The following NPC1 variants were observed in gnomAD, a reference collection of about 807,000 sequenced individuals.
NPC1 encodes the protein NPC intracellular cholesterol transporter 1, also known as Niemann-Pick C1 protein.
In NPC1, 85 loss-of-function variants were observed where a neutral mutation model predicts 140.4. The observed-to-expected ratio is 0.61, with a 90% confidence interval of 0.51 to 0.72. NPC1 has a LOEUF of 0.72. Among genes scored for constraint, NPC1 ranks in the 30% least tolerant of loss-of-function variants. The pLI is 0.00. For synonymous variants in NPC1, 656 were observed against 624.8 expected (o/e 1.05, Z -0.74); for missense variants, 1,504 against 1,623.8 (o/e 0.93, Z 1.27).
chr18:23,515,883 C>T (rs1202666581), intron 3 of NPC1: 4 of 1,614,146 alleles, frequency 2.5e-6, no homozygotes, highest in Non-Finnish European at 3.4e-6. Context: ...GAGTCTGAAA[C>T]TCTTGAAGAG....
At chr18:23,569,545 C>G (rs1425126811) in intron 3 of NPC1, among the ~76,000 whole-genome samples, 1 of 152,188 alleles carries the variant, frequency 6.6e-6, no homozygotes, top group African/African-American at 2.4e-5. Context: ...TGGTCTCAAA[C>G]TCCTAAACTC....
chr18:23,575,868 C>T (rs1599016105), intron 1 of NPC1, among the ~76,000 whole-genome samples: 2 of 150,166 alleles, frequency 1.3e-5, no homozygotes, highest in African/African-American at 4.9e-5. Context: ...AGGTGGGTCG[C>T]TTGAGCCCAG....
chr18:23,517,739 GGA>G (rs1483473431), downstream of NPC1, among the ~76,000 whole-genome samples: 1 of 150,796 alleles, frequency 6.6e-6, no homozygotes, highest in Non-Finnish European at 1.5e-5. Context: ...AATTTTTTTT[GGA>G]GAGTGTCGCT....
chr18:23,516,327 C>G (rs139940827), intron 3 of NPC1: 28 of 1,614,092 alleles, frequency 1.7e-5, no homozygotes, highest in Admixed American at 3.3e-5. Context: ...CAGGCTGGCA[C>G]TATGTCGAAG....
chr18:23,558,711 C>T (rs1202815528), intron 6 of NPC1, among the ~76,000 whole-genome samples: 3 of 151,292 alleles, frequency 2.0e-5, no homozygotes, highest in South Asian at 2.1e-4. Flanking sequence ...GATCATTGTA[C>T]TATGAGTTTT....
downstream of NPC1, among the ~76,000 whole-genome samples, chr18:23,521,958 G>C (rs1206994272): frequency 2.0e-5 from 3 of 152,250 alleles, no homozygotes; most frequent in Non-Finnish European, 4.4e-5. Flanking sequence ...GACGTAGTCA[G>C]ATGGCTCACA....
At chr18:23,523,543 CAAAAAAAAAAAAAAA>C (rs374224848) in intron 1 of NPC1, among the ~76,000 whole-genome samples, 1 of 76,404 alleles carries the variant, frequency 1.3e-5, no homozygotes. Context: ...CTTGTCTTCA[CAAAAAAAAAAAAAAA>C]AAAAAAAAAA....
downstream of NPC1, chr18:23,524,380 G>T (rs1357576201): frequency 6.2e-7 from 1 of 1,603,212 alleles, no homozygotes; most frequent in Non-Finnish European, 8.5e-7. Flanking sequence ...AACTGGGTTT[G>T]CTTTTTGTTT....
chr18:23,516,229 C>T, intron 3 of NPC1: 1 of 1,460,416 alleles, frequency 6.8e-7, no homozygotes, highest in East Asian at 2.3e-5. Flanking sequence ...AAGACGAAGT[C>T]TGTGTTTATC....
chr18:23,530,360 A>AC, downstream of NPC1: 2 of 1,613,992 alleles, frequency 1.2e-6, no homozygotes, highest in Non-Finnish European at 1.7e-6. Context: ...GTTTGCACTG[A>AC]CCTGGACTTC....
At chr18:23,573,396 CAG>C in intron 2 of NPC1, 54 bp downstream of exon 2, 3 of 1,612,072 alleles carry the variant, frequency 1.9e-6, no homozygotes. Flanking sequence ...GGAATAATTA[CAG>C]AGGATCTTGT....
chr18:23,544,239 C>T, intron 13 of NPC1, 105 bp downstream of exon 13: 1 of 1,142,028 alleles, frequency 8.8e-7, no homozygotes, highest in Non-Finnish European at 1.3e-6. Flanking sequence ...GGAAAGGAAA[C>T]AAAACACCCT....
chr18:23,533,633 A>T lies in NPC1; in HGVS notation c.3592-116T>A, dbSNP rs1293151199. The T allele has an allele frequency of 4.9e-6, 5 of 1,025,658 alleles. No homozygotes were observed. The Admixed American group carries it at 8.7e-5, about 18-fold the overall frequency. 63.5% of individuals were successfully genotyped at this position (1,025,658 alleles called of 1,614,324 possible). ...GTGATTCTCCTGCCCCAGCCTCCTG[A>T]GTAGCTGGGATTAAACAGGTGCACG... On this transcript the variant is annotated intron_variant, in intron 23 of 24. Transcript: ENST00000269228.
chr18:23,530,080 A>G (rs866076209), downstream of NPC1: 16 of 1,614,086 alleles, frequency 9.9e-6, no homozygotes, highest in African/African-American at 1.7e-4. Flanking sequence ...AACCTCTTTT[A>G]TATGCTGCAT....
In NPC1 at chr18:23,541,840, G is replaced by C. The variant is rs141534344; in HGVS notation, c.2246-407C>G. ...TACTAGCCTCCCAGTTTAGTTAAGAGGTAATCTACAATCGAGTGAGGATCA... is the reference window on the plus strand; with the variant it reads ...TACTAGCCTCCCAGTTTAGTTAAGACGTAATCTACAATCGAGTGAGGATCA... On this transcript the variant is annotated intron_variant, in intron 14 of 24. Transcript: ENST00000269228. Among the ~76,000 whole-genome samples the C allele has an allele frequency of 8.5e-5, 13 of 152,258 alleles. No individual in the cohort carries two copies. In the East Asian group the frequency reaches 2.1e-3, roughly 25 times the overall value.
chr18:23,527,096 T>C (rs2058320441), downstream of NPC1, among the ~76,000 whole-genome samples: 1 of 151,922 alleles, frequency 6.6e-6, no homozygotes, highest in Non-Finnish European at 1.5e-5. Flanking sequence ...AAGAATCCCC[T>C]ACTGAGGCCA....
intron 1 of NPC1, among the ~76,000 whole-genome samples, chr18:23,574,422 C>T (rs1383331295): frequency 6.6e-6 from 1 of 151,878 alleles, no homozygotes; most frequent in Non-Finnish European, 1.5e-5. Context: ...CCATGGCTCC[C>T]AAGAACCCTG....
intron 6 of NPC1, 112 bp downstream of exon 6, chr18:23,560,119 A>G (rs971956365): frequency 7.8e-7 from 1 of 1,276,386 alleles, no homozygotes. Flanking sequence ...AATGGTATTC[A>G]TGGAGGTATT....
chr18:23,584,057 G>T (rs2059386587), intron 1 of NPC1, among the ~76,000 whole-genome samples: 1 of 152,140 alleles, frequency 6.6e-6, no homozygotes, highest in African/African-American at 2.4e-5. Flanking sequence ...TTACAGCCGG[G>T]AAAAATAAAG....
Sources: gnomAD v4.1 joint callset for allele counts (sites outside exome capture counted in the v4.1 genomes callset) on GRCh38, gnomAD v4.1.1 for gene constraint, MANE v1.5 for transcripts, NCBI Gene and HGNC (gene_info 2026-07-23, HGNC 2026-07-21) for gene names.